Variants in MTHFD2L observed in about 807,000 individuals in gnomAD.
MTHFD2L encodes the protein methylenetetrahydrofolate dehydrogenase (NADP+ dependent) 2 like, also known as bifunctional methylenetetrahydrofolate dehydrogenase/cyclohydrolase 2, mitochondrial.
In MTHFD2L, 29 loss-of-function variants were observed where a neutral mutation model predicts 34.9. That is an observed-to-expected ratio of 0.83 (90% CI 0.62 to 1.13). MTHFD2L has a LOEUF of 1.13. MTHFD2L is among the 50% of genes most tolerant of loss of function. The pLI is 0.00. For synonymous variants in MTHFD2L, 167 were observed against 155.7 expected (o/e 1.07, Z -0.54); for missense variants, 481 against 446.5 (o/e 1.08, Z -0.70).
chr4:74,207,087 T>TG (rs981994378), intron 5 of MTHFD2L, among the ~76,000 whole-genome samples: 6 of 151,824 alleles, frequency 4.0e-5, no homozygotes, highest in African/African-American at 1.5e-4. Context: ...TTCGTAGAGA[T>TG]GGGGGTCTCC....
intron 3 of MTHFD2L, among the ~76,000 whole-genome samples, chr4:74,184,919 A>G (rs1057482067): frequency 2.6e-5 from 4 of 151,954 alleles, no homozygotes; most frequent in African/African-American, 9.7e-5. Flanking sequence ...GGAGGCCAAG[A>G]TGGGCAGATC....
intron 1 of MTHFD2L, among the ~76,000 whole-genome samples, chr4:74,144,744 G>GT (rs1467658701): frequency 1.3e-5 from 2 of 152,026 alleles, no homozygotes; most frequent in Admixed American, 1.3e-4. Context: ...TGTTGGCTTT[G>GT]TTTTTTCTCT....
intron 6 of MTHFD2L, among the ~76,000 whole-genome samples, chr4:74,261,792 C>A (rs993897620): frequency 1.3e-5 from 2 of 151,976 alleles, no homozygotes; most frequent in Admixed American, 6.6e-5. Flanking sequence ...TTCCCACTTG[C>A]AAGTTGTGTG....
chr4:74,147,797 T>G (rs1335665057), intron 1 of MTHFD2L, among the ~76,000 whole-genome samples: 3 of 152,216 alleles, frequency 2.0e-5, no homozygotes, highest in Non-Finnish European at 4.4e-5. Context: ...AGCATCTTTT[T>G]TTTATTGGCC....
chr4:74,188,063 T>C (rs928688557), intron 3 of MTHFD2L, among the ~76,000 whole-genome samples: 3 of 152,202 alleles, frequency 2.0e-5, no homozygotes, highest in Non-Finnish European at 2.9e-5. Context: ...CATATTACAA[T>C]ATAGATTAAT....
intron 3 of MTHFD2L, 147 bp from the exon 4 acceptor site, chr4:74,199,647 A>AAT: frequency 4.5e-6 from 3 of 664,598 alleles, no homozygotes; most frequent in Non-Finnish European, 7.1e-6. Context: ...TTTTGGTGGC[A>AAT]AATAATAATA....
At chr4:74,186,801 G>C (rs1479468593) in intron 3 of MTHFD2L, among the ~76,000 whole-genome samples, 1 of 152,068 alleles carries the variant, frequency 6.6e-6, no homozygotes, top group Admixed American at 6.6e-5. Context: ...TAAAAACTTG[G>C]GAGAAACTGA....
At chr4:74,247,378 G>C (rs1742628159) in intron 6 of MTHFD2L, among the ~76,000 whole-genome samples, 2 of 151,110 alleles carry the variant, frequency 1.3e-5, no homozygotes, top group Admixed American at 6.6e-5. Context: ...GGAGATTTTG[G>C]GCTGAGACAA....
intron 1 of MTHFD2L, among the ~76,000 whole-genome samples, chr4:74,165,564 G>T (rs919912106): frequency 6.6e-6 from 1 of 152,034 alleles, no homozygotes; most frequent in Non-Finnish European, 1.5e-5. Context: ...CACCATATTG[G>T]TCAGGCTGGT....
At chr4:74,148,389 TTATC>T (rs142284412) in intron 1 of MTHFD2L, among the ~76,000 whole-genome samples, 23 of 118,024 alleles carry the variant, frequency 1.9e-4, no homozygotes, top group Non-Finnish European at 3.1e-4. Context: ...ATTTATTTAT[TTATC>T]TATCTATCTA....
rs576835224 is a variant in MTHFD2L at position 74,145,359 on chromosome 4, T to C, written c.-296-14696T>C. 1.2e-4 allele frequency among the ~76,000 whole-genome samples: 18 copies of C among 152,312 alleles called. No homozygotes were observed. In the South Asian group the frequency reaches 3.1e-3, roughly 26 times the overall value. ...ATGATTTAAAATATACAGGAGGATG[T>C]GCATAAGTTCTATGCAAATACTTCA... On this transcript the variant is annotated intron_variant, in intron 1 of 7. Transcript: ENST00000433372.
chr4:74,289,081 C>T lies in MTHFD2L; in HGVS notation c.931+7531C>T, dbSNP rs568693720. ...GGCATTTTTATAGTCACTTGGGATA[C>T]AACAGTGACCTAAAAAGACAAAGTA... On this transcript the variant is annotated intron_variant, in intron 7 of 7. Transcript: ENST00000325278. 4.6e-5 allele frequency among the ~76,000 whole-genome samples: 7 copies of T among 152,258 alleles called. No individual in the cohort carries two copies. In the East Asian group the frequency reaches 1.2e-3, roughly 25 times the overall value.
intron 6 of MTHFD2L, among the ~76,000 whole-genome samples, chr4:74,255,825 C>T (rs913407636): frequency 6.6e-6 from 1 of 152,160 alleles, no homozygotes; most frequent in Non-Finnish European, 1.5e-5. Context: ...GCAAAGGACA[C>T]TGTTTCATCC....
intron 6 of MTHFD2L, among the ~76,000 whole-genome samples, chr4:74,253,361 A>G (rs996375185): frequency 3.9e-5 from 6 of 152,246 alleles, no homozygotes; most frequent in African/African-American, 1.4e-4. Flanking sequence ...TCACAGAAAC[A>G]TGAATTTGAA....
chr4:74,177,246 A>C (rs907596644), intron 3 of MTHFD2L, among the ~76,000 whole-genome samples: 2 of 151,946 alleles, frequency 1.3e-5, no homozygotes, highest in Admixed American at 6.6e-5. Flanking sequence ...TAACATCACA[A>C]ATCTGTCCAA....
rs369284131 is a variant in MTHFD2L at position 74,131,802 on chromosome 4, T to C, written c.-297+6285T>C. 1.9e-4 allele frequency among the ~76,000 whole-genome samples: 29 copies of C among 152,094 alleles called. 1 individual carries two copies. The East Asian group carries it at 2.9e-3, about 15-fold the overall frequency. On this transcript the variant is annotated intron_variant, in intron 1 of 7. Transcript: ENST00000433372. ...ATCATCAGAGTGAACAGGCAACCTATAGAATGAGAGAAAAATTTTGCAATC... is the reference window on the plus strand; with the variant it reads ...ATCATCAGAGTGAACAGGCAACCTACAGAATGAGAGAAAAATTTTGCAATC...
chr4:74,269,266 G>GA lies in MTHFD2L; in HGVS notation c.806-12153dup, dbSNP rs570798428. Among the ~76,000 whole-genome samples the GA allele has an allele frequency of 3.3e-5, 5 of 152,112 alleles. No homozygotes were observed. In the South Asian group the frequency reaches 6.2e-4, roughly 19 times the overall value. ...ATAAAAGGATTAATTAGCTTGGGGG[G>GA]AAAAAACACAAGTTTTTCTCCATAA... On this transcript the variant is annotated intron_variant, in intron 6 of 7. Transcript: ENST00000325278.
intron 6 of MTHFD2L, chr4:74,268,147 A>C (rs1054807046): frequency 1.0e-6 from 1 of 984,206 alleles, no homozygotes. Flanking sequence ...ATTTCTAGAA[A>C]TAACAGGAGG....
upstream of MTHFD2L, among the ~76,000 whole-genome samples, chr4:74,121,628 T>C (rs1721765387): frequency 6.9e-6 from 1 of 145,390 alleles, no homozygotes; most frequent in African/African-American, 2.5e-5. Context: ...ATATAATTAA[T>C]TATTTAATTA....
Sources: gnomAD v4.1 joint callset for allele counts (sites outside exome capture counted in the v4.1 genomes callset) on GRCh38, gnomAD v4.1.1 for gene constraint, MANE v1.5 for transcripts, NCBI Gene and HGNC (gene_info 2026-07-23, HGNC 2026-07-21) for gene names.